HPS5: variants seen among roughly 807,000 people sequenced by gnomAD.
HPS5 encodes HPS5 biogenesis of lysosomal organelles complex 2 subunit 2.
Under a neutral mutation model 128.0 loss-of-function variants are expected in HPS5, and 83 were observed. That is an observed-to-expected ratio of 0.65 (90% CI 0.54 to 0.78). The LOEUF (loss-of-function observed/expected upper bound fraction) is 0.78. Among genes scored for constraint, HPS5 ranks in the 30% least tolerant of loss-of-function variants. The probability of loss-of-function intolerance (pLI) is 0.00; values close to 1 mark genes in which losing one functional copy is unlikely to be tolerated. For synonymous variants in HPS5, 475 were observed against 470.2 expected (o/e 1.01, Z -0.13); for missense variants, 1,281 against 1,326.2 (o/e 0.97, Z 0.53).
intron 1 of HPS5, among the ~76,000 whole-genome samples, chr11:18,318,912 C>A (rs904277948): frequency 3.3e-5 from 5 of 152,132 alleles, no homozygotes; most frequent in Non-Finnish European, 5.9e-5. Flanking sequence ...AAAGTTCTAA[C>A]CCTCATAGAG....
chr11:18,289,266 G>A (rs1201169123), intron 16 of HPS5, among the ~76,000 whole-genome samples: 1 of 152,214 alleles, frequency 6.6e-6, no homozygotes, highest in East Asian at 1.9e-4. Context: ...GGAATTCAGA[G>A]GAGGAGGCCA....
At chr11:18,299,015 C>T (rs754399249) in intron 9 of HPS5, 45 bp from the exon 10 acceptor site, 2 of 1,561,322 alleles carry the variant, frequency 1.3e-6, no homozygotes, top group South Asian at 1.1e-5. Flanking sequence ...TAACCAAATA[C>T]CCCTTACAAT....
chr11:18,318,860 C>T (rs1863953675), intron 1 of HPS5, among the ~76,000 whole-genome samples: 1 of 152,110 alleles, frequency 6.6e-6, no homozygotes, highest in Non-Finnish European at 1.5e-5. Context: ...GTACTGAGCA[C>T]CCACCTACGT....
chr11:18,305,614 G>A, intron 7 of HPS5, 121 bp from the exon 8 acceptor site: 1 of 660,538 alleles, frequency 1.5e-6, no homozygotes, highest in Non-Finnish European at 2.7e-6. Context: ...AACTGCATCT[G>A]CCCTTATTCG....
Position 18,291,547 on chromosome 11 carries a change from TC to T in HPS5, c.2334del (p.Lys779ArgfsTer7). 6.2e-6 allele frequency: 10 copies of T among 1,611,232 alleles called. No individual in the cohort carries two copies. Among genetic ancestry groups the T allele is most frequent in the Non-Finnish European group, 7.6e-6 (9 of 1,178,060 alleles). On this transcript the variant is annotated frameshift_variant, in exon 16 of 23. Transcript: ENST00000349215. LOFTEE classifies it high-confidence loss of function. The stretch of plus-strand genomic sequence containing the variant: ...AAGTTCAGGAGAAAAAAGTACTTCT[TC>T]AGGAACTGGCAAGCCAGAATTTCAG... The part of the protein sequence containing the change: ...YSPEILACQF[L>X]KKYFFLLNLK...
chr11:18,283,060 G>A (rs1859219679), intron 21 of HPS5, among the ~76,000 whole-genome samples: 1 of 152,132 alleles, frequency 6.6e-6, no homozygotes, highest in African/African-American at 2.4e-5. Flanking sequence ...GGAGTGCAGT[G>A]GTGCGATCTC....
chr11:18,285,561 T>C (rs1022832966), intron 19 of HPS5, 102 bp from the exon 20 acceptor site: 1 of 776,890 alleles, frequency 1.3e-6, no homozygotes, highest in East Asian at 2.7e-5. Context: ...TGCATTCTAT[T>C]ACTACATTTT....
chr11:18,286,457 A>C (rs1590056121), intron 19 of HPS5, 134 bp downstream of exon 19: 1 of 832,582 alleles, frequency 1.2e-6, no homozygotes, highest in Non-Finnish European at 1.9e-6. Context: ...GGGTTTAATC[A>C]CCTGAGCCTA....
At chr11:18,317,727 T>C (rs1464648208) in intron 2 of HPS5, 24 bp downstream of exon 2, 2 of 1,610,004 alleles carry the variant, frequency 1.2e-6, no homozygotes, top group Non-Finnish European at 1.7e-6. Context: ...AAAATGAAAC[T>C]GATACAAGGA....
At position 18,287,881 on chromosome 11, in the gene HPS5, A is replaced by G. The variant is rs1859936698; in HGVS notation, c.2561+12T>C. 1 of 1,614,030 alleles carries G rather than the reference A, an allele frequency of 6.2e-7. No homozygotes were observed. The highest frequency in any genetic ancestry group is 8.5e-7 in the Non-Finnish European group (1 of 1,179,992). On this transcript the variant is annotated intron_variant, in intron 17 of 22. Transcript: ENST00000349215. ...GCTTTAGCTCATATAAACAATATACAGGACAACTTACCGGGTAGCATAAAC... is the reference window on the plus strand; with the variant it reads ...GCTTTAGCTCATATAAACAATATACGGGACAACTTACCGGGTAGCATAAAC...
intron 11 of HPS5, 64 bp from the exon 12 acceptor site, chr11:18,297,048 C>T: frequency 2.9e-6 from 3 of 1,031,016 alleles, no homozygotes; most frequent in Non-Finnish European, 4.4e-6. Flanking sequence ...GTTAATATAA[C>T]TTCTGCAGAG....
chr11:18,287,624 T>C lies in HPS5; in HGVS notation c.2628A>G (p.Pro876=). The change falls in exon 18 of 23, where the codon CCA becomes CCG. Residue 876 remains proline, a synonymous_variant. Transcript: ENST00000349215. ...SLIKFFPSIL[P]SDIIQLCHHH... is the part of the protein sequence containing the mutation. Reference sequence around the variant, plus strand: ...GATGACAAAGTTGTATGATATCCGATGGCAAAATGGATGGAAAGAACTTGA... The same window carrying C: ...GATGACAAAGTTGTATGATATCCGACGGCAAAATGGATGGAAAGAACTTGA... The C allele has an allele frequency of 2.5e-6, 4 of 1,614,154 alleles. No homozygotes were observed. The highest frequency in any genetic ancestry group is 3.4e-6 in the Non-Finnish European group (4 of 1,180,006).
In HPS5 at chr11:18,279,766, A is replaced by AGAT; in HGVS notation, c.*113_*115dup. The stretch of plus-strand genomic sequence containing the variant: ...GACACTGACAAAAGTAGCCCCAATA[A>AGAT]GATGGCAGGATTTGGGGGTGGTGTC... On this transcript the variant is annotated 3_prime_UTR_variant, in exon 23 of 23. Transcript: ENST00000349215. The AGAT allele has an allele frequency of 2.1e-6, 2 of 966,960 alleles. No homozygotes were observed. Among genetic ancestry groups the AGAT allele is most frequent in the Non-Finnish European group, 3.3e-6 (2 of 608,722 alleles). 59.9% of individuals were successfully genotyped at this position (966,960 alleles called of 1,614,324 possible).
At chr11:18,288,135 G>A in intron 16 of HPS5, 122 bp from the exon 17 acceptor site, 4 of 984,164 alleles carry the variant, frequency 4.1e-6, no homozygotes, top group Non-Finnish European at 6.2e-6. Flanking sequence ...TTATGTGCAA[G>A]GCCCAATATT....
intron 18 of HPS5, 173 bp from the exon 19 acceptor site, chr11:18,286,883 C>T: frequency 1.9e-6 from 1 of 532,334 alleles, no homozygotes; most frequent in Non-Finnish European, 2.9e-6. Context: ...TCCAAGATAA[C>T]AAAGAAAATG....
Position 18,291,571 on chromosome 11 carries a change from C to T in HPS5, c.2311G>A (p.Glu771Lys), listed in dbSNP as rs759422525. Reference protein sequence around the residue: ...VDHTLQQYSPEILACQFLKKY... With the variant: ...VDHTLQQYSPKILACQFLKKY... The stretch of plus-strand genomic sequence containing the variant: ...TTCAGGAACTGGCAAGCCAGAATTT[C>T]AGGAGAGTACTGTTGCAAAGTGTGG... Residue 771 changes from glutamate (E) to lysine (K), a missense_variant, in exon 16 of 23, where the codon GAA becomes AAA. Physicochemically the swap from Glu to Lys is moderately conservative, Grantham distance 56. Transcript: ENST00000349215. 6.2e-6 allele frequency: 10 copies of T among 1,611,118 alleles called. No homozygotes were observed. In the East Asian group the frequency reaches 2.2e-4, roughly 36 times the overall value.
At chr11:18,287,751 C>T (rs1179595860) in intron 17 of HPS5, 61 bp from the exon 18 acceptor site, 1 of 1,597,384 alleles carries the variant, frequency 6.3e-7, no homozygotes, top group Non-Finnish European at 8.6e-7. Flanking sequence ...AACTTGGTTA[C>T]ATTTAGGTTA....
intron 2 of HPS5, among the ~76,000 whole-genome samples, chr11:18,317,471 G>A (rs1863775950): frequency 6.6e-6 from 1 of 152,038 alleles, no homozygotes; most frequent in Non-Finnish European, 1.5e-5. Flanking sequence ...GGCCAGGCTG[G>A]TCTTGAACTC....
At chr11:18,294,426 A>G (rs1013576349) in intron 14 of HPS5, among the ~76,000 whole-genome samples, 3 of 152,140 alleles carry the variant, frequency 2.0e-5, no homozygotes, top group Non-Finnish European at 4.4e-5. Flanking sequence ...AGCATCAGTG[A>G]CATTCCCAAA....
Sources: allele counts gnomAD v4.1 joint callset (sites outside exome capture counted in the v4.1 genomes callset), GRCh38; gene constraint gnomAD v4.1.1; transcripts MANE v1.5; gene names NCBI Gene and HGNC (gene_info 2026-07-23, HGNC 2026-07-21).